The following NCKAP5 variants were observed in gnomAD, a reference collection of about 807,000 sequenced individuals.
NCKAP5 encodes the protein nck-associated protein 5.
Under a neutral mutation model 167.0 loss-of-function variants are expected in NCKAP5, and 92 were observed. That is an observed-to-expected ratio of 0.55 (90% confidence interval 0.47 to 0.66). NCKAP5 has a LOEUF of 0.66. Among genes scored for constraint, NCKAP5 ranks in the 30% least tolerant of loss-of-function variants. The pLI, the probability that NCKAP5 is intolerant of heterozygous loss-of-function variation, is 0.00. For missense variants in NCKAP5, 2,378 were observed against 2,315.0 expected, an observed-to-expected ratio of 1.03 and a Z score of -0.56; for synonymous variants, 891 against 877.4, an observed-to-expected ratio of 1.02 and a Z score of -0.27.
chr2:133,117,122 CG>C (rs2082109021), intron 6 of NCKAP5: 1 of 152,206 alleles, frequency 6.6e-6, no homozygotes, highest in East Asian at 1.9e-4. Flanking sequence ...GAATATCTTC[CG>C]TAGAGGACTG....
the NCKAP5 span, among the ~76,000 whole-genome samples, chr2:133,652,174 C>T: frequency 2.0e-5 from 3 of 152,032 alleles, no homozygotes; most frequent in Non-Finnish European, 4.4e-5. Context: ...TACTAAAATA[C>T]AAAGATGGAG....
chr2:133,455,522 C>A (rs1159526454), intron 3 of NCKAP5, among the ~76,000 whole-genome samples: 1 of 152,076 alleles, frequency 6.6e-6, no homozygotes, highest in Non-Finnish European at 1.5e-5. Flanking sequence ...TTAGAATGGT[C>A]TATAAGATGA....
At chr2:133,076,845 C>T (rs1368995643) in intron 6 of NCKAP5, among the ~76,000 whole-genome samples, 1 of 152,174 alleles carries the variant, frequency 6.6e-6, no homozygotes, top group African/African-American at 2.4e-5. Flanking sequence ...AAGAGCCTTT[C>T]TGGAAGTTAC....
chr2:133,317,275 A>G (rs1470966171), intron 3 of NCKAP5, among the ~76,000 whole-genome samples: 2 of 152,192 alleles, frequency 1.3e-5, no homozygotes, highest in Non-Finnish European at 2.9e-5. Context: ...CATGAAGATG[A>G]GGACTGAACT....
chr2:133,490,415 C>G (rs558475822), intron 3 of NCKAP5, among the ~76,000 whole-genome samples: 2 of 152,294 alleles, frequency 1.3e-5, no homozygotes, highest in African/African-American at 4.8e-5. Context: ...TTTCTTACTT[C>G]TACTGACGGA....
At chr2:132,994,071 G>C in intron 7 of NCKAP5, 81 bp downstream of exon 7, 1 of 1,003,812 alleles carries the variant, frequency 1.0e-6, no homozygotes, top group South Asian at 1.7e-5. Context: ...ATTTATCTCT[G>C]GGTTAGAGAG....
At chr2:133,665,103 C>T in the NCKAP5 span, among the ~76,000 whole-genome samples, 1 of 152,192 alleles carries the variant, frequency 6.6e-6, no homozygotes, top group Non-Finnish European at 1.5e-5. Context: ...CTAAAACTTT[C>T]TCCATAACAG....
rs767438442 is a variant in NCKAP5 at position 132,785,733 on chromosome 2, T to C, written c.1093-15A>G. 1 of 1,479,022 alleles carries C rather than the reference T, an allele frequency of 6.8e-7. No individual in the cohort carries two copies. Among genetic ancestry groups the C allele is most frequent in the Non-Finnish European group, 9.0e-7 (1 of 1,115,428 alleles). 91.6% of individuals were successfully genotyped at this position (1,479,022 alleles called of 1,614,324 possible). ...TGTGATGATTGCTAGGAAAGAAAAG[T>C]AGACATCAGAAATGATTGAACCATG... On this transcript the variant is annotated splice_polypyrimidine_tract_variant and intron_variant, in intron 13 of 19. Coordinates refer to ENST00000409261, the MANE Select transcript of NCKAP5 (RefSeq NM_207363.3).
intron 3 of NCKAP5, among the ~76,000 whole-genome samples, chr2:133,345,682 C>A (rs996267237): frequency 1.3e-5 from 2 of 152,162 alleles, no homozygotes; most frequent in Non-Finnish European, 2.9e-5. Context: ...GTTGAGGATA[C>A]TTGCCAAATC....
At chr2:133,159,565 A>G (rs2083705890) in intron 5 of NCKAP5, among the ~76,000 whole-genome samples, 1 of 152,242 alleles carries the variant, frequency 6.6e-6, no homozygotes, top group Non-Finnish European at 1.5e-5. Context: ...GTCCCACTCC[A>G]TAAAGCAACA....
Position 132,732,546 on chromosome 2 carries a change from A to C in NCKAP5, c.5129-495T>G, listed in dbSNP as rs555282067. On this transcript the variant is annotated intron_variant, in intron 16 of 19. Coordinates refer to ENST00000409261, the MANE Select transcript of NCKAP5 (RefSeq NM_207363.3). ...AACCTGAAAACATCCCCCTTCATGT[A>C]ATATGAGATAAGAAGACCAGCCTGT... Among the ~76,000 whole-genome samples the C allele has an allele frequency of 1.3e-4, 20 of 152,340 alleles. No individual in the cohort carries two copies. In the South Asian group the frequency reaches 4.1e-3, roughly 32 times the overall value.
intron 6 of NCKAP5, among the ~76,000 whole-genome samples, chr2:133,100,372 T>C (rs1165188671): frequency 6.6e-6 from 1 of 152,222 alleles, no homozygotes; most frequent in Non-Finnish European, 1.5e-5. Context: ...ATGTACATTA[T>C]TTTACTTGGT....
chr2:133,587,409 A>G, the NCKAP5 span, among the ~76,000 whole-genome samples: 3 of 152,224 alleles, frequency 2.0e-5, no homozygotes, highest in Non-Finnish European at 2.9e-5. Context: ...TTTTGGGAAG[A>G]CAACCTGAGT....
chr2:133,450,308 T>G (rs62177691), intron 3 of NCKAP5, among the ~76,000 whole-genome samples: 16,682 of 152,200 alleles, frequency 0.11, 971 homozygotes, highest in Middle Eastern at 0.19. Context: ...TCTGGGTATA[T>G]TCCAATATGT....
intron 16 of NCKAP5, among the ~76,000 whole-genome samples, chr2:132,741,898 T>G (rs931819816): frequency 7.2e-5 from 11 of 152,114 alleles, no homozygotes; most frequent in Non-Finnish European, 7.4e-5. Context: ...TATCTCCTTT[T>G]AACCCACTTC....
intron 3 of NCKAP5, among the ~76,000 whole-genome samples, chr2:133,389,782 G>A (rs1371710747): frequency 6.6e-6 from 1 of 152,082 alleles, no homozygotes; most frequent in Non-Finnish European, 1.5e-5. Flanking sequence ...CCTCTCCTTT[G>A]CCAGAAGACT....
At chr2:133,556,340 G>A (rs540304075) in intron 2 of NCKAP5, among the ~76,000 whole-genome samples, 1 of 152,222 alleles carries the variant, frequency 6.6e-6, no homozygotes, top group Admixed American at 6.5e-5. Flanking sequence ...AATATGATAT[G>A]GACTGTAGAA....
At chr2:132,823,382 T>C (rs1337923120) in intron 11 of NCKAP5, among the ~76,000 whole-genome samples, 3 of 152,032 alleles carry the variant, frequency 2.0e-5, no homozygotes, top group Non-Finnish European at 2.9e-5. Context: ...CCAGAAGGGA[T>C]TGGGGTCCAA....
At chr2:133,105,629 C>T (rs1201153083) in intron 6 of NCKAP5, among the ~76,000 whole-genome samples, 3 of 152,180 alleles carry the variant, frequency 2.0e-5, no homozygotes, top group Non-Finnish European at 2.9e-5. Flanking sequence ...CACAGCCCAT[C>T]CACTGGGCAT....
Sources: allele counts gnomAD v4.1 joint callset (sites outside exome capture counted in the v4.1 genomes callset), GRCh38; gene constraint gnomAD v4.1.1; transcripts MANE v1.5; gene names NCBI Gene and HGNC (gene_info 2026-07-23, HGNC 2026-07-21).